RC3H2: variants seen among roughly 807,000 people sequenced by gnomAD.
RC3H2 encodes the protein ring finger and CCCH-type domains 2.
Under a neutral mutation model 133.3 loss-of-function variants are expected in RC3H2, and 31 were observed. The observed-to-expected ratio is 0.23, with a 90% CI of 0.17 to 0.31. RC3H2 has a LOEUF of 0.31. Ranked by LOEUF, RC3H2 falls within the 10% of genes least tolerant of loss-of-function variation. The pLI, the probability that RC3H2 is intolerant of heterozygous loss-of-function variation, is 1.00. For synonymous variants in RC3H2, 517 were observed against 502.2 expected, an observed-to-expected ratio of 1.03 and a Z score of -0.40; for missense variants, 1,175 against 1,437.2, an observed-to-expected ratio of 0.82 and a Z score of 2.95.
At chr9:122,874,175 G>C (rs1366259959) in intron 9 of RC3H2, 2 of 152,078 alleles carry the variant, frequency 1.3e-5, no homozygotes, top group African/African-American at 4.8e-5. Flanking sequence ...GTGAAAAGAA[G>C]AGTAAAAGAA....
In RC3H2 at chr9:122,847,791, T is replaced by C. The variant is rs1829900997; in HGVS notation, c.*1836A>G. Reference sequence around the variant, plus strand: ...ACAGTACTAACCAAAGGAAACTAAGTCAAGGCTACTGTGCTGTTGTTATGC... The same window carrying C: ...ACAGTACTAACCAAAGGAAACTAAGCCAAGGCTACTGTGCTGTTGTTATGC... On this transcript the variant is annotated 3_prime_UTR_variant, in exon 21 of 21. Coordinates refer to ENST00000357244, the MANE Select transcript of RC3H2 (RefSeq NM_001100588.3). 1.3e-5 allele frequency: 2 copies of C among 152,140 alleles called. No individual in the cohort carries two copies. The highest frequency in any genetic ancestry group is 4.1e-4 in the South Asian group (2 of 4,834). The allele number at this position is 152,140 out of a possible 1,614,324, so 9.4% of individuals were successfully genotyped here. A position where few individuals can be genotyped will look rare whatever the true frequency, so the allele number is the denominator to read the frequency against.
At position 122,877,560 on chromosome 9, in the gene RC3H2, CT is replaced by C; in HGVS notation, c.1235del (p.Lys412ArgfsTer34). 6.2e-7 allele frequency: 1 copy of C among 1,614,084 alleles called. No individual in the cohort carries two copies. Among genetic ancestry groups the C allele is most frequent in the Non-Finnish European group, 8.5e-7 (1 of 1,179,962 alleles). ...TPQPQPNSKY[K>X]TSMCRDLRQQ... ...GTCGCAAATCTCGGCACATGCTAGT[CT>C]TGTATTTGCTGTTTGGCTGAGGCTA... On this transcript the variant is annotated frameshift_variant, in exon 9 of 21. Transcript: ENST00000357244. LOFTEE classifies it high-confidence loss of function.
intron 9 of RC3H2, 104 bp downstream of exon 9, chr9:122,877,367 T>C (rs1305467805): frequency 1.1e-6 from 1 of 880,014 alleles, no homozygotes; most frequent in Non-Finnish European, 1.8e-6. Context: ...TGCCCAGCCC[T>C]TAACTTGCAT....
At chr9:122,880,932 T>A (rs1304794679) in intron 5 of RC3H2, 138 bp from the exon 6 acceptor site, 2 of 637,280 alleles carry the variant, frequency 3.1e-6, no homozygotes, top group Admixed American at 5.6e-5. Flanking sequence ...GATAAGATAA[T>A]GTCCTGACCA....
At chr9:122,883,443 T>C (rs1485312188) in intron 4 of RC3H2, 64 bp from the exon 5 acceptor site, 13 of 1,336,848 alleles carry the variant, frequency 9.7e-6, no homozygotes, top group African/African-American at 3.0e-5. Flanking sequence ...ATGTGTGTCA[T>C]AGGCATCTTT....
chr9:122,853,863 C>T, intron 18 of RC3H2, 89 bp downstream of exon 18: 1 of 1,612,396 alleles, frequency 6.2e-7, no homozygotes, highest in Non-Finnish European at 8.5e-7. Context: ...GATAGGCACA[C>T]CAAAATGCAC....
Position 122,904,184 on chromosome 9 carries a change from GA to G in RC3H2, c.-68+925del, listed in dbSNP as rs943817518. Among the ~76,000 whole-genome samples, 7 of 152,122 alleles carry G rather than the reference GA, an allele frequency of 4.6e-5. No individual in the cohort carries two copies. In the South Asian group the frequency reaches 1.0e-3, roughly 22 times the overall value. On this transcript the variant is annotated intron_variant, in intron 1 of 20. Transcript: ENST00000357244. ...CAATGGGTAGGGGGAGAGTAGAAATGAAAAAAAGGAAGGCCGTGGGTAAGGG... is the reference window on the plus strand; with the variant it reads ...CAATGGGTAGGGGGAGAGTAGAAATGAAAAAAGGAAGGCCGTGGGTAAGGG...
chr9:122,875,451 C>A, intron 9 of RC3H2: 1 of 1,429,554 alleles, frequency 7.0e-7, no homozygotes, highest in Non-Finnish European at 9.2e-7. Context: ...AGTTTACAGC[C>A]ATGCCCAATT....
In RC3H2 at chr9:122,880,799, A is replaced by C; in HGVS notation, c.760-5T>G. On this transcript the variant is annotated splice_region_variant and splice_polypyrimidine_tract_variant and intron_variant, in intron 5 of 20. Coordinates refer to ENST00000357244, the MANE Select transcript of RC3H2 (RefSeq NM_001100588.3). ...GTCTTCATCTCTTTTGGTAACCTAA[A>C]AAATAGAAAAGAGAAAAATCAGAAT... 1 of 1,608,542 alleles carries C rather than the reference A, an allele frequency of 6.2e-7. No individual in the cohort carries two copies. Among genetic ancestry groups the C allele is most frequent in the South Asian group, 1.1e-5 (1 of 90,970 alleles).
chr9:122,872,371 T>C (rs185059682), intron 9 of RC3H2, among the ~76,000 whole-genome samples: 37 of 152,350 alleles, frequency 2.4e-4, no homozygotes, highest in Non-Finnish European at 1.0e-4. Flanking sequence ...TGGACCAATA[T>C]AGAAGTTTAA....
chr9:122,894,803 C>T (rs943609743), intron 2 of RC3H2, among the ~76,000 whole-genome samples: 13 of 152,242 alleles, frequency 8.5e-5, no homozygotes, highest in African/African-American at 2.9e-4. Flanking sequence ...TCACTTGAAC[C>T]TGGGAGGTGG....
intron 20 of RC3H2, 120 bp from the exon 21 acceptor site, chr9:122,849,942 T>G: frequency 1.8e-6 from 1 of 553,716 alleles, no homozygotes; most frequent in Non-Finnish European, 3.0e-6. Flanking sequence ...AAGACATGTC[T>G]TTATCACTAG....
chr9:122,896,204 C>G (rs1035255278), intron 2 of RC3H2, among the ~76,000 whole-genome samples: 6 of 151,694 alleles, frequency 4.0e-5, no homozygotes, highest in Non-Finnish European at 8.8e-5. Flanking sequence ...GAAAGCCAGA[C>G]AAGCTTGATA....
chr9:122,880,499 A>G (rs917176677), intron 6 of RC3H2, 95 bp downstream of exon 6: 2 of 956,364 alleles, frequency 2.1e-6, no homozygotes, highest in Non-Finnish European at 3.2e-6. Flanking sequence ...AAACATAGGA[A>G]TCTCCAACTG....
At chr9:122,869,428 TCTC>T (rs889682069) in intron 9 of RC3H2, among the ~76,000 whole-genome samples, 2 of 152,100 alleles carry the variant, frequency 1.3e-5, no homozygotes, top group African/African-American at 2.4e-5. Context: ...GTCCTTCTCT[TCTC>T]CTTCTCTTTA....
In RC3H2 at chr9:122,851,010, T is replaced by A; in HGVS notation, c.3380+71A>T. The A allele has an allele frequency of 9.6e-6, 15 of 1,554,518 alleles. No individual in the cohort carries two copies. The South Asian group carries it at 1.7e-4, about 18-fold the overall frequency. On this transcript the variant is annotated intron_variant, in intron 20 of 20. Transcript: ENST00000357244. ...TCCCCTCACAGCATAAAGCCAAAAATTAATTTCGCATTTTTTTCTCTTTAT... is the reference window on the plus strand; with the variant it reads ...TCCCCTCACAGCATAAAGCCAAAAAATAATTTCGCATTTTTTTCTCTTTAT...
intron 4 of RC3H2, among the ~76,000 whole-genome samples, chr9:122,889,367 C>T (rs910197819): frequency 6.6e-6 from 1 of 151,748 alleles, no homozygotes; most frequent in Non-Finnish European, 1.5e-5. Context: ...GGATTTCTGA[C>T]GTTTGTAATT....
Position 122,850,401 on chromosome 9 carries a change from C to G in RC3H2, c.3381-579G>C, listed in dbSNP as rs367857309. On this transcript the variant is annotated intron_variant, in intron 20 of 20. Transcript: ENST00000357244. ...ATTATTCAAAATGGCAGTATTATAG[C>G]CAAGAAAATATACTATATTATATGC... Among the ~76,000 whole-genome samples the G allele has an allele frequency of 7.0e-4, 99 of 141,366 alleles. 1 individual carries two copies. The East Asian group carries it at 0.01, about 15-fold the overall frequency. The allele number at this position is 141,366 out of a possible 152,430, so 92.7% of individuals were successfully genotyped here.
At chr9:122,879,719 G>A in intron 8 of RC3H2, 36 bp downstream of exon 8, 1 of 1,374,064 alleles carries the variant, frequency 7.3e-7, no homozygotes, top group South Asian at 1.2e-5. Context: ...CTGAGTTAGA[G>A]ACAACAGCAG....
Sources: gnomAD v4.1 joint callset for allele counts (sites outside exome capture counted in the v4.1 genomes callset) on GRCh38, gnomAD v4.1.1 for gene constraint, MANE v1.5 for transcripts, NCBI Gene and HGNC (gene_info 2026-07-23, HGNC 2026-07-21) for gene names.